Variants in SRCIN1 observed in about 807,000 individuals in gnomAD.
The protein encoded by SRCIN1 is SRC kinase signaling inhibitor 1.
Under a neutral mutation model 116.2 loss-of-function variants are expected in SRCIN1, and 50 were observed. The observed-to-expected ratio is 0.43, with a 90% CI of 0.34 to 0.54. The LOEUF (loss-of-function observed/expected upper bound fraction) is 0.54, where lower values mean the gene tolerates loss of function less well. Ranked by LOEUF, SRCIN1 falls within the 20% of genes least tolerant of loss-of-function variation. The pLI, the probability that SRCIN1 is intolerant of heterozygous loss-of-function variation, is 0.02. For synonymous variants in SRCIN1, 736 were observed against 750.0 expected, an observed-to-expected ratio of 0.98 and a Z score of 0.30; for missense variants, 1,446 against 1,672.0, an observed-to-expected ratio of 0.86 and a Z score of 2.36.
In SRCIN1 at chr17:38,578,685, G is replaced by T. The variant is rs34134205; in HGVS notation, c.129C>A (p.Arg43=). 5.0e-3 allele frequency: 7,757 copies of T among 1,544,946 alleles called. 21 individuals carry two copies. The highest frequency in any genetic ancestry group is 5.9e-3 in the Non-Finnish European group (6,754 of 1,146,930). Residue 43 remains arginine, a synonymous_variant, in exon 2 of 19, where the codon CGC becomes CGA. Coordinates refer to ENST00000617146, the MANE Select transcript of SRCIN1 (RefSeq NM_025248.3). ...GGGGGGSGGR[R]FSNVGLVHTS... ...TGTGCACCAGCCCCACGTTGGAGAAGCGCCGGCCCCCGCTGCCCCCGCCGC... is the reference window on the plus strand; with the variant it reads ...TGTGCACCAGCCCCACGTTGGAGAATCGCCGGCCCCCGCTGCCCCCGCCGC...
At position 38,563,150 on chromosome 17, in the gene SRCIN1, G is replaced by C. The variant is rs550445638; in HGVS notation, c.740+173C>G. Among the ~76,000 whole-genome samples the C allele has an allele frequency of 2.2e-4, 33 of 152,316 alleles. 1 individual carries two copies. In the South Asian group the frequency reaches 3.7e-3, roughly 17 times the overall value. On this transcript the variant is annotated intron_variant, in intron 5 of 18. Transcript: ENST00000617146. This position sits in a 1 kb window ranked among gnomAD's most constrained non-coding sequence, Gnocchi z 5.8. ...GAACCAGCAGGGGTGGACGATTTAG[G>C]GGGTGGGGGCTGAGATGGCCGAGGA...
chr17:38,573,539 A>C (rs2143285038), intron 2 of SRCIN1, among the ~76,000 whole-genome samples: 1 of 152,280 alleles, frequency 6.6e-6, no homozygotes, highest in Middle Eastern at 3.4e-3. Flanking sequence ...CCTCCATCAG[A>C]GCAGATCCCA....
chr17:38,586,258 G>C (rs1004315068), intron 1 of SRCIN1, among the ~76,000 whole-genome samples: 1 of 152,202 alleles, frequency 6.6e-6, no homozygotes, highest in Non-Finnish European at 1.5e-5. Flanking sequence ...GAAGAGGGTC[G>C]AGGCCAGGGA....
chr17:38,537,790 CAAA>C (rs563375987), intron 18 of SRCIN1, among the ~76,000 whole-genome samples: 2 of 111,126 alleles, frequency 1.8e-5, no homozygotes, highest in African/African-American at 3.3e-5. Flanking sequence ...GACTCCGTGT[CAAA>C]AAAAAAAAAG....
chr17:38,546,511 C>T (rs540900551), intron 17 of SRCIN1: 4 of 152,420 alleles, frequency 2.6e-5, no homozygotes, highest in South Asian at 4.1e-4. Flanking sequence ...ACCTCACGCT[C>T]GCCCGGCTCC....
Position 38,562,705 on chromosome 17 carries a change from C to A in SRCIN1, c.834+122G>T. The A allele has an allele frequency of 1.2e-6, 1 of 855,368 alleles. No homozygotes were observed. The highest frequency in any genetic ancestry group is 1.8e-6 in the Non-Finnish European group (1 of 542,108). 53.0% of individuals were successfully genotyped at this position (855,368 alleles called of 1,614,324 possible). The stretch of plus-strand genomic sequence containing the variant: ...TGGGACAGGGGCTCTTCCCTAACCC[C>A]TCAGCCCCTATGCTGTCTTCTCCAA... On this transcript the variant is annotated intron_variant, in intron 6 of 18. Transcript: ENST00000617146. This position sits in a 1 kb window ranked among gnomAD's most constrained non-coding sequence, Gnocchi z 4.2.
Position 38,563,243 on chromosome 17 carries a change from G to A in SRCIN1, c.740+80C>T. The stretch of plus-strand genomic sequence containing the variant: ...TGAGGTCGGGTCAGGAAGGAGCTGG[G>A]GAAGGGCCGGCGGGGTCCAGCACCC... On this transcript the variant is annotated intron_variant, in intron 5 of 18. Coordinates refer to ENST00000617146, the MANE Select transcript of SRCIN1 (RefSeq NM_025248.3). The surrounding 1 kb of genome is among the most constrained non-coding windows in gnomAD (Gnocchi z 5.8). The A allele has an allele frequency of 6.7e-7, 1 of 1,497,386 alleles. No homozygotes were observed. Among genetic ancestry groups the A allele is most frequent in the Non-Finnish European group, 9.0e-7 (1 of 1,108,920 alleles). 92.8% of individuals were successfully genotyped at this position (1,497,386 alleles called of 1,614,324 possible). A position where few individuals can be genotyped will look rare whatever the true frequency, so the allele number is the denominator to read the frequency against.
intron 14 of SRCIN1, 157 bp downstream of exon 14, chr17:38,551,729 C>A: frequency 8.3e-7 from 1 of 1,198,182 alleles, no homozygotes. Context: ...GGGCTAATGT[C>A]ACCCTCATTA....
intron 18 of SRCIN1, among the ~76,000 whole-genome samples, chr17:38,534,115 C>T: frequency 6.6e-6 from 1 of 152,190 alleles, no homozygotes; most frequent in East Asian, 1.9e-4. Flanking sequence ...CATGACTTGT[C>T]CTGCCCTCAC....
intron 1 of SRCIN1, among the ~76,000 whole-genome samples, chr17:38,584,110 G>A (rs887308732): frequency 2.6e-5 from 4 of 152,188 alleles, no homozygotes; most frequent in African/African-American, 7.2e-5. Context: ...CCCGGGCTGG[G>A]GTCTTAAGCA....
At chr17:38,560,193 G>A (rs1222306974) in intron 8 of SRCIN1, 96 bp from the exon 9 acceptor site, 10 of 1,386,994 alleles carry the variant, frequency 7.2e-6, no homozygotes, top group South Asian at 1.4e-5. Flanking sequence ...CCAGCTCTCC[G>A]ATCTCAGGAT....
intron 2 of SRCIN1, among the ~76,000 whole-genome samples, chr17:38,571,365 G>C (rs1314979769): frequency 6.6e-6 from 1 of 152,152 alleles, no homozygotes; most frequent in South Asian, 2.1e-4. Context: ...AAATAGGACC[G>C]AGCCATGGGT....
At chr17:38,550,277 G>A (rs1034562560) in intron 15 of SRCIN1, among the ~76,000 whole-genome samples, 8 of 152,254 alleles carry the variant, frequency 5.3e-5, no homozygotes, top group Non-Finnish European at 1.2e-4. Context: ...GGCGGATCAC[G>A]AGGTCAGGAG....
chr17:38,569,525 G>A (rs1040679987), intron 2 of SRCIN1, among the ~76,000 whole-genome samples: 2 of 152,178 alleles, frequency 1.3e-5, no homozygotes, highest in Non-Finnish European at 2.9e-5. Flanking sequence ...GGGGCACTCC[G>A]GCTGGAGGCT....
intron 1 of SRCIN1, among the ~76,000 whole-genome samples, chr17:38,595,473 C>G (rs1003293584): frequency 2.0e-5 from 3 of 152,208 alleles, no homozygotes; most frequent in African/African-American, 7.2e-5. Context: ...GCCTCGGCCT[C>G]CCAAAGTGCT....
At chr17:38,600,349 C>T (rs1908953109) in intron 1 of SRCIN1, among the ~76,000 whole-genome samples, 1 of 152,200 alleles carries the variant, frequency 6.6e-6, no homozygotes, top group African/African-American at 2.4e-5. Context: ...TCAGGCAGGG[C>T]TGTTGGAGGT....
chr17:38,559,602 G>T lies in SRCIN1; in HGVS notation c.2008C>A (p.Gln670Lys), dbSNP rs774767821. Reference sequence around the variant, plus strand: ...GGCGGTACCTGGAGCTTGCGCAACTGCTGGAGCTGGCCGCGCAAGTCACTG... The same window carrying T: ...GGCGGTACCTGGAGCTTGCGCAACTTCTGGAGCTGGCCGCGCAAGTCACTG... ...SASDLRGQLQ[Q>K]LRKLQLQNQE... Residue 670 changes from glutamine to lysine, a missense_variant, in exon 10 of 19, where the codon CAG (glutamine) becomes AAG (lysine). Physicochemically the swap from Gln to Lys is moderately conservative, Grantham distance 53. Around this residue, in one of 5 missense-constraint regions of SRCIN1, gnomAD observed 398 missense variants for 385.6 expected, o/e 1.03. Transcript: ENST00000617146. 5.0e-6 allele frequency: 8 copies of T among 1,601,356 alleles called. No homozygotes were observed. The Admixed American group carries it at 6.7e-5, about 13-fold the overall frequency.
chr17:38,559,432 A>G (rs1567863099), intron 10 of SRCIN1, 153 bp downstream of exon 10: 3 of 736,852 alleles, frequency 4.1e-6, no homozygotes, highest in East Asian at 6.0e-5. Flanking sequence ...AAGGGGAGAA[A>G]GGGTTCGGAG....
Position 38,562,727 on chromosome 17 carries a change from C to A in SRCIN1, c.834+100G>T. The A allele has an allele frequency of 1.9e-6, 2 of 1,073,758 alleles. No individual in the cohort carries two copies. Among genetic ancestry groups the A allele is most frequent in the South Asian group, 1.4e-5 (1 of 72,192 alleles). The allele number at this position is 1,073,758 out of a possible 1,614,324, so 66.5% of individuals were successfully genotyped here. On this transcript the variant is annotated intron_variant, in intron 6 of 18. Coordinates refer to ENST00000617146, the MANE Select transcript of SRCIN1 (RefSeq NM_025248.3). The surrounding 1 kb of genome is among the most constrained non-coding windows in gnomAD (Gnocchi z 4.2). ...CCCCTCAGCCCCTATGCTGTCTTCT[C>A]CAAAGCTGGCCCTGGTTCCAGATGA...
Sources: allele counts gnomAD v4.1 joint callset (sites outside exome capture counted in the v4.1 genomes callset), GRCh38; gene constraint gnomAD v4.1.1; regional missense constraint gnomAD v4.1.1; non-coding constraint Gnocchi (gnomAD v3.1); transcripts MANE v1.5; gene names NCBI Gene and HGNC (gene_info 2026-07-23, HGNC 2026-07-21).